DMD: variants seen among roughly 807,000 people sequenced by gnomAD.
The protein encoded by DMD is dystrophin.
A neutral mutation model predicts 330.1 loss-of-function variants in DMD; 63 were observed. The observed-to-expected ratio is 0.19, with a 90% CI of 0.16 to 0.24. The LOEUF is 0.24. Ranked by LOEUF, DMD falls within the 10% of genes least tolerant of loss-of-function variation. DMD has a pLI of 1.00. For missense variants in DMD, 3,344 were observed against 2,684.1 expected, an observed-to-expected ratio of 1.25 and a Z score of -5.43; for synonymous variants, 1,223 against 959.8, an observed-to-expected ratio of 1.27 and a Z score of -5.07.
intron 1 of DMD, among the ~76,000 whole-genome samples, chrX:33,064,986 T>A (rs2094633088): frequency 8.9e-6 from 1 of 112,257 alleles, no homozygotes; most frequent in Non-Finnish European, 1.9e-5. Context: ...AGCAAAGGTC[T>A]CTACTTCTCA....
intron 63 of DMD, among the ~76,000 whole-genome samples, chrX:31,228,991 C>T (rs771695947): frequency 8.9e-6 from 1 of 112,366 alleles, no homozygotes; most frequent in South Asian, 3.7e-4. Flanking sequence ...AAGTGATAGG[C>T]CATTCATCTT....
intron 52 of DMD, among the ~76,000 whole-genome samples, chrX:31,680,911 C>T (rs1318848684): frequency 8.9e-6 from 1 of 111,903 alleles, no homozygotes; most frequent in African/African-American, 3.3e-5. Flanking sequence ...AGTAATAAAA[C>T]TGCCATCTAC....
intron 39 of DMD, among the ~76,000 whole-genome samples, chrX:32,343,817 G>A (rs2097755504): frequency 8.9e-6 from 1 of 111,806 alleles, no homozygotes; most frequent in Admixed American, 9.5e-5. Context: ...GAAATATAAA[G>A]CCATTTTAGT....
chrX:32,409,579 TGAAA>T (rs1290962303), intron 30 of DMD, among the ~76,000 whole-genome samples: 1 of 111,700 alleles, frequency 9.0e-6, no homozygotes, highest in African/African-American at 3.2e-5. Flanking sequence ...CAATTTTCCT[TGAAA>T]GACAATAGTA....
intron 9 of DMD, among the ~76,000 whole-genome samples, chrX:32,656,174 T>C (rs761296401): frequency 9.8e-5 from 11 of 111,933 alleles, no homozygotes; most frequent in Non-Finnish European, 1.5e-4. Flanking sequence ...GCCAGTTGGA[T>C]ATAACGCATC....
Position 32,443,123 on chromosome X carries a change from G to A in DMD, c.3787-1809C>T, listed in dbSNP as rs192682580. 4.5e-5 allele frequency among the ~76,000 whole-genome samples: 5 copies of A among 110,722 alleles called. No individual in the cohort carries two copies. In the Admixed American group the frequency reaches 4.8e-4, roughly 11 times the overall value. On this transcript the variant is annotated intron_variant, in intron 27 of 78. Transcript: ENST00000357033. ...AACCTATAAGTACAGTAAACACAAT[G>A]CAGCAATCATCACCACTTACTACCA... is the stretch of plus-strand genomic sequence containing the variant.
rs56150142 is a variant in DMD at position 32,883,823 on chromosome X, C to CAAAAAAAAAAA, written c.94-34014_94-34004dup. 6.3e-4 allele frequency among the ~76,000 whole-genome samples: 19 copies of CAAAAAAAAAAA among 30,339 alleles called. 1 individual carries two copies. The highest frequency in any genetic ancestry group is 2.4e-3 in the African/African-American group (17 of 6,971). 26.3% of individuals were successfully genotyped at this position (30,339 alleles called of 115,157 possible). A position where few individuals can be genotyped will look rare whatever the true frequency, so the allele number is the denominator to read the frequency against. On this transcript the variant is annotated intron_variant, in intron 2 of 78. Coordinates refer to ENST00000357033, the MANE Select transcript of DMD (RefSeq NM_004006.3). Reference sequence around the variant, plus strand: ...TGGGTGACAGAGCAAGACTCTGTTTCAAAAAAAAAAAAAAAAAAAAAAAAA... The same window carrying CAAAAAAAAAAA: ...TGGGTGACAGAGCAAGACTCTGTTTCAAAAAAAAAAAAAAAAAAAAAAAAAAAAAAAAAAAA...
At chrX:32,986,641 T>G (rs1278695028) in intron 2 of DMD, among the ~76,000 whole-genome samples, 1 of 112,385 alleles carries the variant, frequency 8.9e-6, no homozygotes, top group African/African-American at 3.2e-5. Flanking sequence ...AGGTGCTTTT[T>G]AAGTTTTCAG....
Position 33,047,789 on chromosome X carries a change from C to T in DMD, c.32-27589G>A, listed in dbSNP as rs184641187. On this transcript the variant is annotated intron_variant, in intron 1 of 78. Coordinates refer to ENST00000357033, the MANE Select transcript of DMD (RefSeq NM_004006.3). ...TCCAAAACGCCCTCAGAATTACCTGCTTCTCCTGCACTCTTAGTATCCCCA... is the reference window on the plus strand; with the variant it reads ...TCCAAAACGCCCTCAGAATTACCTGTTTCTCCTGCACTCTTAGTATCCCCA... Among the ~76,000 whole-genome samples, 3 of 111,869 alleles carry T rather than the reference C, an allele frequency of 2.7e-5. No individual in the cohort carries two copies. The Admixed American group carries it at 2.9e-4, about 11-fold the overall frequency.
intron 2 of DMD, among the ~76,000 whole-genome samples, chrX:32,904,611 G>A (rs958326647): frequency 4.5e-5 from 5 of 112,064 alleles, no homozygotes; most frequent in African/African-American, 1.6e-4. Flanking sequence ...GTCTCGCTCT[G>A]TCACCCAGGC....
intron 42 of DMD, among the ~76,000 whole-genome samples, chrX:32,297,244 TTTATTTATTTATTTATTTATTTATTTA>T (rs1569556353): frequency 2.6e-5 from 2 of 77,092 alleles, no homozygotes; most frequent in Non-Finnish European, 5.4e-5. Flanking sequence ...ATTTTATTTA[TTTATTTATTTATTTATTTATTTATTTA>T]TTATTTATTT....
chrX:32,183,026 C>T (rs1361545492), intron 44 of DMD, among the ~76,000 whole-genome samples: 1 of 111,389 alleles, frequency 9.0e-6, no homozygotes, highest in Admixed American at 9.6e-5. Context: ...AAAAGAGGAT[C>T]ATTTTGCAGA....
At chrX:33,283,121 C>G (rs1336793476) in intron 1 of DMD, among the ~76,000 whole-genome samples, 1 of 112,210 alleles carries the variant, frequency 8.9e-6, no homozygotes, top group Non-Finnish European at 1.9e-5. Context: ...AAAATGTGCA[C>G]AACTTTTAAA....
intron 63 of DMD, among the ~76,000 whole-genome samples, chrX:31,229,485 T>A (rs760163349): frequency 1.8e-5 from 2 of 111,873 alleles, no homozygotes; most frequent in African/African-American, 6.5e-5. Flanking sequence ...CTCATTAACT[T>A]TATGAGTGGA....
chrX:31,523,687 C>T (rs1569549305), intron 55 of DMD, among the ~76,000 whole-genome samples: 1 of 112,118 alleles, frequency 8.9e-6, no homozygotes. Context: ...AGGGTGCATT[C>T]AGCCAGGGGC....
chrX:32,470,465 A>C (rs1283815124), intron 22 of DMD, among the ~76,000 whole-genome samples: 1 of 109,989 alleles, frequency 9.1e-6, no homozygotes, highest in Non-Finnish European at 1.9e-5. Context: ...CTTTTTTTTT[A>C]GTTAGTTAAT....
At chrX:32,988,511 T>C (rs1455737611) in intron 2 of DMD, among the ~76,000 whole-genome samples, 1 of 112,430 alleles carries the variant, frequency 8.9e-6, no homozygotes, top group African/African-American at 3.2e-5. Context: ...ACTCTGAGCA[T>C]ATCACTTCAG....
chrX:31,808,690 C>T (rs1833543693), intron 50 of DMD, among the ~76,000 whole-genome samples: 1 of 110,749 alleles, frequency 9.0e-6, no homozygotes, highest in African/African-American at 3.3e-5. Flanking sequence ...GGGTCCTGAC[C>T]TTGAAAAAAA....
At chrX:31,945,694 T>A (rs2095076799) in intron 45 of DMD, among the ~76,000 whole-genome samples, 1 of 111,745 alleles carries the variant, frequency 8.9e-6, no homozygotes, top group East Asian at 2.8e-4. Flanking sequence ...TAGAAAAAAA[T>A]TAAGATTGTT....
Sources: allele counts gnomAD v4.1 joint callset (sites outside exome capture counted in the v4.1 genomes callset), GRCh38; gene constraint gnomAD v4.1.1; transcripts MANE v1.5; gene names NCBI Gene and HGNC (gene_info 2026-07-23, HGNC 2026-07-21).